The following STAB2 variants were observed in gnomAD, a reference collection of about 807,000 sequenced individuals.
STAB2 encodes stabilin-2.
Under a neutral mutation model 338.1 loss-of-function variants are expected in STAB2, and 288 were observed. The observed-to-expected ratio is 0.85, with a 90% CI of 0.77 to 0.94. The LOEUF is 0.94. Among genes scored for constraint, STAB2 ranks in the 40% least tolerant of loss-of-function variants. The pLI, the probability that STAB2 is intolerant of heterozygous loss-of-function variation, is 0.00. For synonymous variants in STAB2, 1,202 were observed against 1,193.3 expected, an observed-to-expected ratio of 1.01 and a Z score of -0.15; for missense variants, 3,141 against 3,210.1, an observed-to-expected ratio of 0.98 and a Z score of 0.52.
chr12:103,693,249 T>C lies in STAB2; in HGVS notation c.3375+360T>C, dbSNP rs1338767142. 2.0e-5 allele frequency among the ~76,000 whole-genome samples: 3 copies of C among 149,290 alleles called. No individual in the cohort carries two copies. In the East Asian group the frequency reaches 5.9e-4, roughly 29 times the overall value. On this transcript the variant is annotated intron_variant, in intron 31 of 68. Transcript: ENST00000388887. ...TAGGAGGATTGCTTGAGCCCAGGAG[T>C]TCAAGACCAGTCTGGGCAACATAAT...
intron 39 of STAB2, chr12:103,711,159 T>G: frequency 2.8e-6 from 1 of 362,256 alleles, no homozygotes; most frequent in Non-Finnish European, 4.9e-6. Flanking sequence ...GGGGTACACA[T>G]CAACACCCAG....
At chr12:103,645,375 G>C (rs535512941) in intron 9 of STAB2, among the ~76,000 whole-genome samples, 3 of 152,268 alleles carry the variant, frequency 2.0e-5, no homozygotes, top group East Asian at 1.9e-4. Flanking sequence ...TAGCACTGAG[G>C]CCATAAAAAT....
intron 5 of STAB2, among the ~76,000 whole-genome samples, chr12:103,625,804 T>G (rs146991832): frequency 2.3e-3 from 355 of 152,356 alleles, no homozygotes; most frequent in Middle Eastern, 0.01. Context: ...TCGTGAATAG[T>G]GCCGCAATAA....
intron 3 of STAB2, among the ~76,000 whole-genome samples, chr12:103,617,039 A>G (rs1167970928): frequency 6.6e-6 from 1 of 152,152 alleles, no homozygotes; most frequent in East Asian, 1.9e-4. Context: ...TTTCTTCATG[A>G]TCTAGCTTTT....
intron 44 of STAB2, among the ~76,000 whole-genome samples, chr12:103,722,328 G>A (rs1566047379): frequency 6.6e-6 from 1 of 152,194 alleles, no homozygotes; most frequent in African/African-American, 2.4e-5. Flanking sequence ...TTCAAGAGGA[G>A]TGATTGTACA....
chr12:103,743,131 T>C lies in STAB2; in HGVS notation c.6031+577T>C, dbSNP rs574650401. On this transcript the variant is annotated intron_variant, in intron 56 of 68. Transcript: ENST00000388887. ...TCTGCCTCCCAGGTTCAAGTGATTC[T>C]CCAGCCTCAGTCTCCTGAGTAGCTG... 2.8e-3 allele frequency among the ~76,000 whole-genome samples: 431 copies of C among 151,742 alleles called. 3 individuals are homozygous for C. The highest frequency in any genetic ancestry group is 0.024 in the Middle Eastern group (7 of 294).
chr12:103,747,608 CA>C (rs963771303), intron 58 of STAB2, among the ~76,000 whole-genome samples: 1 of 152,180 alleles, frequency 6.6e-6, no homozygotes, highest in African/African-American at 2.4e-5. Flanking sequence ...GCTGGAATCT[CA>C]TCATTGGTCA....
At chr12:103,726,484 C>T (rs1881217006) in intron 46 of STAB2, among the ~76,000 whole-genome samples, 1 of 152,148 alleles carries the variant, frequency 6.6e-6, no homozygotes, top group African/African-American at 2.4e-5. Context: ...GAGTGAGACA[C>T]TGTCTCAAAA....
chr12:103,724,782 C>T (rs1047584139), intron 44 of STAB2, among the ~76,000 whole-genome samples, 193 bp from the exon 45 acceptor site: 2 of 152,050 alleles, frequency 1.3e-5, no homozygotes, highest in Non-Finnish European at 2.9e-5. Context: ...GGATACAAGG[C>T]CAGGTGAATA....
Position 103,699,093 on chromosome 12 carries a change from C to G in STAB2, c.3583-3C>G. 1.0e-5 allele frequency: 16 copies of G among 1,605,380 alleles called. No individual in the cohort carries two copies. The highest frequency in any genetic ancestry group is 1.4e-5 in the Non-Finnish European group (16 of 1,174,048). On this transcript the variant is annotated splice_polypyrimidine_tract_variant and splice_region_variant and intron_variant, in intron 33 of 68. Transcript: ENST00000388887. ...CTGACTTCCAATTCTGTGTGTGATC[C>G]AGGAGGAGGACGTCCTCCGGTATCA...
At chr12:103,674,404 T>G (rs76815279) in intron 23 of STAB2, among the ~76,000 whole-genome samples, 3,881 of 152,272 alleles carry the variant, frequency 0.025, 101 homozygotes, top group East Asian at 0.15. Flanking sequence ...TTGTGGAGAT[T>G]AGCAGAACTC....
chr12:103,747,918 C>T (rs997651148), intron 58 of STAB2, among the ~76,000 whole-genome samples: 4 of 150,688 alleles, frequency 2.7e-5, no homozygotes, highest in Non-Finnish European at 4.4e-5. Context: ...TCACCTGAAC[C>T]CAGGAGGCAG....
chr12:103,761,878 T>G (rs1884566589), intron 66 of STAB2, among the ~76,000 whole-genome samples: 1 of 152,112 alleles, frequency 6.6e-6, no homozygotes, highest in Non-Finnish European at 1.5e-5. Flanking sequence ...TGATGGTGGT[T>G]GTTAGTATTC....
At chr12:103,591,859 C>T (rs1036024234) in intron 2 of STAB2, among the ~76,000 whole-genome samples, 1 of 152,206 alleles carries the variant, frequency 6.6e-6, no homozygotes, top group African/African-American at 2.4e-5. Context: ...TGGGGCTCAA[C>T]TGCAAATGCA....
intron 41 of STAB2, among the ~76,000 whole-genome samples, chr12:103,713,286 T>G (rs1168688030): frequency 6.6e-6 from 1 of 152,192 alleles, no homozygotes; most frequent in East Asian, 1.9e-4. Context: ...ATTTTTCTCT[T>G]GAGCACTGTG....
rs781001138 is a variant in STAB2, at chr12:103,728,830, C to G, written c.4936-19C>G. ...AAGACTCCTGCCTCTGGCTGAAACCCTCTGATCTTCTGTTACAGGTTAAAG... is the reference window on the plus strand; with the variant it reads ...AAGACTCCTGCCTCTGGCTGAAACCGTCTGATCTTCTGTTACAGGTTAAAG... On this transcript the variant is annotated intron_variant, in intron 47 of 68. Coordinates refer to ENST00000388887, the MANE Select transcript of STAB2 (RefSeq NM_017564.10). 4.3e-6 allele frequency: 7 copies of G among 1,613,526 alleles called. No homozygotes were observed. Among genetic ancestry groups the G allele is most frequent in the Non-Finnish European group, 4.2e-6 (5 of 1,179,506 alleles).
At chr12:103,606,764 C>T (rs946324918) in intron 3 of STAB2, among the ~76,000 whole-genome samples, 23 of 152,214 alleles carry the variant, frequency 1.5e-4, no homozygotes, top group African/African-American at 4.8e-4. Context: ...ACAGGTGGAT[C>T]ACGAGGTCAG....
At chr12:103,688,295 A>C in intron 28 of STAB2, 80 bp downstream of exon 28, 1 of 1,397,388 alleles carries the variant, frequency 7.2e-7, no homozygotes, top group Non-Finnish European at 1.0e-6. Flanking sequence ...AAAACCGAAA[A>C]TGCAGCTGGT....
intron 15 of STAB2, among the ~76,000 whole-genome samples, chr12:103,657,226 TAAAAA>T (rs140834161): frequency 8.6e-6 from 1 of 116,402 alleles, no homozygotes; most frequent in Non-Finnish European, 1.8e-5. Context: ...TAAAGTGAGC[TAAAAA>T]AAAAAAAAAA....
Sources: allele counts gnomAD v4.1 joint callset (sites outside exome capture counted in the v4.1 genomes callset), GRCh38; gene constraint gnomAD v4.1.1; transcripts MANE v1.5; gene names NCBI Gene and HGNC (gene_info 2026-07-23, HGNC 2026-07-21).